TRPM8: variants seen among roughly 807,000 people sequenced by gnomAD.
TRPM8 encodes the protein transient receptor potential cation channel subfamily M member 8.
In TRPM8, 110 loss-of-function variants were observed where a neutral mutation model predicts 133.7. That is an observed-to-expected ratio of 0.82 (90% confidence interval 0.70 to 0.96). The LOEUF (loss-of-function observed/expected upper bound fraction) is 0.96, where lower values mean the gene tolerates loss of function less well. Ranked by LOEUF, TRPM8 falls within the 40% of genes least tolerant of loss-of-function variation. TRPM8 has a pLI of 0.00. For synonymous variants in TRPM8, 535 were observed against 532.3 expected, an observed-to-expected ratio of 1.01 and a Z score of -0.07; for missense variants, 1,291 against 1,379.5, an observed-to-expected ratio of 0.94 and a Z score of 1.02.
At chr2:233,982,262 A>G (rs1353713576) in intron 19 of TRPM8, among the ~76,000 whole-genome samples, 1 of 152,230 alleles carries the variant, frequency 6.6e-6, no homozygotes, top group South Asian at 2.1e-4. Context: ...GTTGAGTCCA[A>G]GGAGGAGTGT....
rs187964694 is a variant in TRPM8 at position 233,935,785 on chromosome 2, C to A, written c.192-1568C>A. On this transcript the variant is annotated intron_variant, in intron 3 of 25. Transcript: ENST00000324695. Reference sequence around the variant, plus strand: ...TGCAGAACCAAGTGGGTGGGGCAGGCAGAAGGAAGCTGGGAGGAGGGTGAA... The same window carrying A: ...TGCAGAACCAAGTGGGTGGGGCAGGAAGAAGGAAGCTGGGAGGAGGGTGAA... Among the ~76,000 whole-genome samples the A allele has an allele frequency of 2.6e-5, 4 of 152,032 alleles. No homozygotes were observed. In the East Asian group the frequency reaches 7.7e-4, roughly 29 times the overall value.
chr2:234,014,440 A>G (rs1160251585), intron 24 of TRPM8, 122 bp from the exon 25 acceptor site: 1 of 509,786 alleles, frequency 2.0e-6, no homozygotes, highest in African/African-American at 2.0e-5. Context: ...CTTATTTTAG[A>G]TGTGCCATGC....
At chr2:233,926,913 C>G (rs969948998) in intron 2 of TRPM8, among the ~76,000 whole-genome samples, 5 of 152,194 alleles carry the variant, frequency 3.3e-5, no homozygotes, top group African/African-American at 9.6e-5. Context: ...CTCCTTCACA[C>G]TGTCTCTCCT....
At chr2:233,971,000 G>A (rs1352042015) in intron 17 of TRPM8, among the ~76,000 whole-genome samples, 2 of 152,204 alleles carry the variant, frequency 1.3e-5, no homozygotes. Context: ...GCAGGCACTT[G>A]ATTAGTAATG....
chr2:233,934,926 C>G (rs1691759540), intron 3 of TRPM8, among the ~76,000 whole-genome samples: 1 of 152,178 alleles, frequency 6.6e-6, no homozygotes, highest in South Asian at 2.1e-4. Context: ...CCTCCTGCCA[C>G]AGAGTGCTTT....
chr2:233,924,043 G>A (rs887922824), intron 1 of TRPM8, among the ~76,000 whole-genome samples: 1 of 152,152 alleles, frequency 6.6e-6, no homozygotes, highest in Admixed American at 6.5e-5. Context: ...TACAGTGTTG[G>A]GGGGAAAGTG....
intron 8 of TRPM8, among the ~76,000 whole-genome samples, chr2:233,949,196 C>T (rs1691118133): frequency 6.6e-6 from 1 of 152,222 alleles, no homozygotes; most frequent in African/African-American, 2.4e-5. Flanking sequence ...CCTCTGTGGG[C>T]TTCAATCATG....
In TRPM8 at chr2:234,018,855, A is replaced by AATAAATAC. The variant is rs1693023369; in HGVS notation, c.*1606_*1607insCATAAATA. 1 of 150,752 alleles carries AATAAATAC rather than the reference A, an allele frequency of 6.6e-6. No homozygotes were observed. Among genetic ancestry groups the AATAAATAC allele is most frequent in the African/African-American group, 2.4e-5 (1 of 41,104 alleles). 9.3% of individuals were successfully genotyped at this position (150,752 alleles called of 1,614,324 possible). ...GTGAGACTCCGACTGAAAATAAATA[A>AATAAATAC]ATAAATAAATAAATAAATAAATAAA... On this transcript the variant is annotated 3_prime_UTR_variant, in exon 26 of 26. Coordinates refer to ENST00000324695, the MANE Select transcript of TRPM8 (RefSeq NM_024080.5).
chr2:233,973,752 G>A (rs756293401), intron 17 of TRPM8, among the ~76,000 whole-genome samples: 1 of 152,192 alleles, frequency 6.6e-6, no homozygotes, highest in Non-Finnish European at 1.5e-5. Flanking sequence ...GTATGTGTCA[G>A]CAGCAGCGAG....
In TRPM8 at chr2:234,006,989, C is replaced by T. The variant is rs112352068; in HGVS notation, c.3230+37C>T. ...ATCCCTTTCTGCTTTGCAAGGCTCC[C>T]TCTGTAGACATAAGCCCATAGAACG... On this transcript the variant is annotated intron_variant, in intron 23 of 25. Transcript: ENST00000324695. 4.0e-5 allele frequency: 61 copies of T among 1,512,248 alleles called. No homozygotes were observed. In the African/African-American group the frequency reaches 7.7e-4, roughly 19 times the overall value. The allele number at this position is 1,512,248 out of a possible 1,614,324, so 93.7% of individuals were successfully genotyped here.
chr2:233,994,582 G>C (rs888123476), intron 21 of TRPM8, among the ~76,000 whole-genome samples: 4 of 147,382 alleles, frequency 2.7e-5, no homozygotes, highest in Non-Finnish European at 1.5e-5. Flanking sequence ...AGTGTAGATT[G>C]CAGAGGTGTT....
intron 17 of TRPM8, among the ~76,000 whole-genome samples, chr2:233,976,649 T>C (rs1691881020): frequency 6.6e-6 from 1 of 152,124 alleles, no homozygotes; most frequent in Admixed American, 6.5e-5. Flanking sequence ...TTGTTATTTT[T>C]AAGAACGATC....
At chr2:234,016,320 G>T (rs892031070) in intron 25 of TRPM8, among the ~76,000 whole-genome samples, 3 of 152,106 alleles carry the variant, frequency 2.0e-5, no homozygotes, top group African/African-American at 7.2e-5. Context: ...AACAAATTTG[G>T]CATGTCCAAC....
intron 14 of TRPM8, among the ~76,000 whole-genome samples, chr2:233,965,060 G>C (rs569117092): frequency 6.8e-6 from 1 of 147,642 alleles, no homozygotes. Context: ...TTGTGGGGGG[G>C]GGGGGTGTTT....
chr2:233,952,714 G>A (rs1256009711), intron 9 of TRPM8, among the ~76,000 whole-genome samples: 1 of 152,030 alleles, frequency 6.6e-6, no homozygotes, highest in Non-Finnish European at 1.5e-5. Flanking sequence ...TCTGGCAGCA[G>A]TGGGGCAGAG....
Position 233,991,314 on chromosome 2 carries a change from A to G in TRPM8, c.2940-5012A>G, listed in dbSNP as rs987340755. Among the ~76,000 whole-genome samples, 6 of 152,222 alleles carry G rather than the reference A, an allele frequency of 3.9e-5. No homozygotes were observed. In the East Asian group the frequency reaches 1.2e-3, roughly 29 times the overall value. ...ATACTAACCTGAATTATCAATTCCA[A>G]AATCAGTGTGATCCAATCGCTTGTC... On this transcript the variant is annotated intron_variant, in intron 21 of 25. Transcript: ENST00000324695.
chr2:233,918,734 C>T (rs1404833716), intron 1 of TRPM8, among the ~76,000 whole-genome samples: 1 of 152,158 alleles, frequency 6.6e-6, no homozygotes, highest in Non-Finnish European at 1.5e-5. Flanking sequence ...TCAGCTCTCT[C>T]CTGGTGGTGA....
At chr2:233,946,214 C>T (rs1691040466) in intron 7 of TRPM8, 184 bp downstream of exon 7, 2 of 605,670 alleles carry the variant, frequency 3.3e-6, no homozygotes, top group African/African-American at 1.8e-5. Flanking sequence ...CTGCCAGGGT[C>T]AATGTGGTAT....
intron 21 of TRPM8, among the ~76,000 whole-genome samples, chr2:233,990,801 C>T (rs1692257284): frequency 6.6e-6 from 1 of 152,180 alleles, no homozygotes; most frequent in African/African-American, 2.4e-5. Context: ...CTGACCACCT[C>T]ATCTAACCTG....
Sources: gnomAD v4.1 joint callset for allele counts (sites outside exome capture counted in the v4.1 genomes callset) on GRCh38, gnomAD v4.1.1 for gene constraint, MANE v1.5 for transcripts, NCBI Gene and HGNC (gene_info 2026-07-23, HGNC 2026-07-21) for gene names.